DAGLB: variants seen among roughly 807,000 people sequenced by gnomAD.
The protein encoded by DAGLB is diacylglycerol lipase beta.
DAGLB carries 66 observed loss-of-function variants against 72.1 expected under a neutral mutation model. The observed-to-expected ratio is 0.92, with a 90% CI of 0.75 to 1.12. The LOEUF is 1.12. Among genes scored for constraint, DAGLB ranks in the 50% most tolerant of loss-of-function variants. DAGLB has a pLI of 0.00. For missense variants in DAGLB, 1,065 were observed against 884.9 expected (o/e 1.20, Z -2.58); for synonymous variants, 414 against 359.5 (o/e 1.15, Z -1.71).
At chr7:6,412,137 T>G (rs1320638924) in intron 13 of DAGLB, among the ~76,000 whole-genome samples, 1 of 152,112 alleles carries the variant, frequency 6.6e-6, no homozygotes, top group Non-Finnish European at 1.5e-5. Flanking sequence ...CTGGTCTCGA[T>G]CTCCTGACTC....
intron 9 of DAGLB, among the ~76,000 whole-genome samples, chr7:6,420,641 C>T (rs752814936): frequency 6.6e-6 from 1 of 152,074 alleles, no homozygotes; most frequent in African/African-American, 2.4e-5. Flanking sequence ...CACGGGTTCA[C>T]GGCACTGTGA....
At chr7:6,421,307 TCAGGCAGCG>T (rs1403073308) in intron 9 of DAGLB, among the ~76,000 whole-genome samples, 1 of 118,894 alleles carries the variant, frequency 8.4e-6, no homozygotes, top group East Asian at 3.3e-4. Flanking sequence ...GCTGTGAGAA[TCAGGCAGCG>T]CGGGAGGCGC....
At chr7:6,423,320 A>G (rs1330850310) in intron 8 of DAGLB, among the ~76,000 whole-genome samples, 1 of 152,162 alleles carries the variant, frequency 6.6e-6, no homozygotes, top group Non-Finnish European at 1.5e-5. Context: ...AAGCTAGAGG[A>G]CTGGGGCCAA....
chr7:6,412,614 C>G lies in DAGLB; in HGVS notation c.1569+197G>C, dbSNP rs566416263. On this transcript the variant is annotated intron_variant, in intron 13 of 14. Transcript: ENST00000297056. ...ATCCTGTTTCCTCCCTGTGACATTT[C>G]CCGCACTTGCTGCAGCCATTTGCTT... 117 of 639,746 alleles carry G rather than the reference C, an allele frequency of 1.8e-4. No individual in the cohort carries two copies. In the East Asian group the frequency reaches 2.1e-3, roughly 11 times the overall value. The allele number at this position is 639,746 out of a possible 1,614,324, so 39.6% of individuals were successfully genotyped here.
At chr7:6,446,162 A>G in intron 1 of DAGLB, 58 bp from the exon 2 acceptor site, 1 of 1,525,300 alleles carries the variant, frequency 6.6e-7, no homozygotes. Context: ...TGCTGTGTAG[A>G]ACATGATACA....
At chr7:6,438,120 G>T (rs567138977) in intron 2 of DAGLB, among the ~76,000 whole-genome samples, 1 of 151,856 alleles carries the variant, frequency 6.6e-6, no homozygotes, top group Admixed American at 6.6e-5. Flanking sequence ...ACCAAACACC[G>T]CATGTTTTCA....
intron 9 of DAGLB, among the ~76,000 whole-genome samples, chr7:6,420,647 T>G (rs1338788921): frequency 2.0e-5 from 3 of 152,126 alleles, no homozygotes; most frequent in Admixed American, 6.6e-5. Context: ...TTCACGGCAC[T>G]GTGAACGCAC....
chr7:6,434,752 C>T lies in DAGLB; in HGVS notation c.678+10G>A. The T allele has an allele frequency of 6.2e-7, 1 of 1,613,986 alleles. No homozygotes were observed. Among genetic ancestry groups the T allele is most frequent in the Non-Finnish European group, 8.5e-7 (1 of 1,179,916 alleles). On this transcript the variant is annotated intron_variant, in intron 4 of 14. Transcript: ENST00000297056. Reference sequence around the variant, plus strand: ...GAAGAAACAGACCAAACCAGATCCCCTCGGCTTACTGAAAAGTAGGTTGAG... The same window carrying T: ...GAAGAAACAGACCAAACCAGATCCCTTCGGCTTACTGAAAAGTAGGTTGAG...
At chr7:6,415,301 T>TA (rs1197810630) in intron 11 of DAGLB, among the ~76,000 whole-genome samples, 1 of 152,104 alleles carries the variant, frequency 6.6e-6, no homozygotes, top group African/African-American at 2.4e-5. Flanking sequence ...TTTAAGCACT[T>TA]ATACATTCTC....
At chr7:6,417,799 C>T (rs1033791063) in intron 9 of DAGLB, 2 of 152,126 alleles carry the variant, frequency 1.3e-5, no homozygotes, top group Non-Finnish European at 2.9e-5. Flanking sequence ...ACTAAACCAT[C>T]AGAAGTGAGT....
At chr7:6,434,494 A>G (rs919038543) in intron 4 of DAGLB, among the ~76,000 whole-genome samples, 7 of 152,158 alleles carry the variant, frequency 4.6e-5, no homozygotes, top group African/African-American at 1.7e-4. Flanking sequence ...GTGGTTCCTT[A>G]CAGGCTAATC....
chr7:6,428,286 C>T (rs1314849652), intron 6 of DAGLB, among the ~76,000 whole-genome samples: 3 of 120,002 alleles, frequency 2.5e-5, no homozygotes, highest in Non-Finnish European at 4.8e-5. Context: ...ATGGAGGTTG[C>T]AGTGAGCCAG....
At chr7:6,412,737 C>T in intron 13 of DAGLB, 74 bp downstream of exon 13, 1 of 1,518,986 alleles carries the variant, frequency 6.6e-7, no homozygotes, top group Non-Finnish European at 8.9e-7. Context: ...GGGTGCAATT[C>T]CTCCCGGCTC....
rs778438640 is a variant in DAGLB at position 6,447,856 on chromosome 7, T to C, written c.-14A>G. ...CATCCCCGGCATGGCGAAGGTCCCG[T>C]AGCTCGCACTCAGGAGAGACCCCGC... On this transcript the variant is annotated 5_prime_UTR_variant, in exon 1 of 15. Coordinates refer to ENST00000297056, the MANE Select transcript of DAGLB (RefSeq NM_139179.4). The C allele has an allele frequency of 3.1e-6, 5 of 1,604,738 alleles. No individual in the cohort carries two copies. Among genetic ancestry groups the C allele is most frequent in the Non-Finnish European group, 4.2e-6 (5 of 1,176,522 alleles).
At chr7:6,423,779 G>A (rs1337926180) in intron 8 of DAGLB, among the ~76,000 whole-genome samples, 2 of 152,132 alleles carry the variant, frequency 1.3e-5, no homozygotes, top group South Asian at 2.1e-4. Flanking sequence ...AGTAGAGACG[G>A]GGTTTCACCA....
chr7:6,423,154 A>G (rs536673061), intron 8 of DAGLB, among the ~76,000 whole-genome samples: 2 of 152,226 alleles, frequency 1.3e-5, no homozygotes, highest in Admixed American at 1.3e-4. Flanking sequence ...TGAGAGGCTG[A>G]GGCAGGAGGA....
chr7:6,437,479 T>C (rs956504128), intron 2 of DAGLB, among the ~76,000 whole-genome samples: 3 of 152,168 alleles, frequency 2.0e-5, no homozygotes, highest in East Asian at 1.9e-4. Flanking sequence ...TTGCCCAGGC[T>C]GGAGTGTGGT....
At chr7:6,431,691 G>C (rs1784493379) in intron 5 of DAGLB, among the ~76,000 whole-genome samples, 1 of 152,168 alleles carries the variant, frequency 6.6e-6, no homozygotes, top group Non-Finnish European at 1.5e-5. Flanking sequence ...AGAATTGCTT[G>C]AAGTCAGGAG....
intron 11 of DAGLB, among the ~76,000 whole-genome samples, chr7:6,416,099 C>A (rs1783904860): frequency 6.6e-6 from 1 of 152,094 alleles, no homozygotes; most frequent in Admixed American, 6.6e-5. Flanking sequence ...CAATCTGCTG[C>A]TCAGTTTTGC....
Sources: allele counts gnomAD v4.1 joint callset (sites outside exome capture counted in the v4.1 genomes callset), GRCh38; gene constraint gnomAD v4.1.1; transcripts MANE v1.5; gene names NCBI Gene and HGNC (gene_info 2026-07-23, HGNC 2026-07-21).